Variants in MDFI observed in about 807,000 individuals in gnomAD.
The protein encoded by MDFI is MyoD family inhibitor, also known as inhibitor of MyoD family a.
In MDFI, 16 loss-of-function variants were observed where a neutral mutation model predicts 22.3. The observed-to-expected ratio is 0.72, with a 90% CI of 0.49 to 1.09. MDFI has a LOEUF of 1.09. Ranked by LOEUF, MDFI falls within the 50% of genes least tolerant of loss-of-function variation. MDFI has a pLI of 0.00. For synonymous variants in MDFI, 145 were observed against 142.7 expected (o/e 1.02, Z -0.12); for missense variants, 314 against 326.1 (o/e 0.96, Z 0.29).
chr6:41,649,756 C>T lies in MDFI; in HGVS notation c.397C>T (p.His133Tyr). The T allele has an allele frequency of 6.2e-7, 1 of 1,614,122 alleles. No individual in the cohort carries two copies. The highest frequency in any genetic ancestry group is 2.2e-5 in the East Asian group (1 of 44,874). Residue 133 changes from histidine (H) to tyrosine (Y), a missense_variant, in exon 4 of 5, where the codon CAC (histidine) becomes TAC (tyrosine). By Grantham distance (83) the His-to-Tyr change is moderately conservative (BLOSUM62 2). Coordinates refer to ENST00000230321, the MANE Select transcript of MDFI (RefSeq NM_005586.4). ...CAAGGCCCACCGGAAGTTGCAGACA[C>T]ACCCATCTCTCGCCAGCCAGGGCAG... ...GPKAHRKLQT[H>Y]PSLASQGSKK...
chr6:41,639,367 C>G, intron 2 of MDFI: 1 of 985,382 alleles, frequency 1.0e-6, no homozygotes, highest in Non-Finnish European at 1.2e-6. Context: ...CGGCCAGTCC[C>G]CGCCGCCCCT....
intron 4 of MDFI, among the ~76,000 whole-genome samples, chr6:41,652,382 T>G (rs543521033): frequency 6.6e-6 from 1 of 152,192 alleles, no homozygotes; most frequent in South Asian, 2.1e-4. Context: ...ACTTCAAAGA[T>G]TTCAGCTTTT....
In MDFI at chr6:41,638,611, G is replaced by C; in HGVS notation, c.-53G>C. The stretch of plus-strand genomic sequence containing the variant: ...AGCAGGCGCGCATGGCGGGCCCCGC[G>C]CGGGGATCCGGCTGGAAGAGAGCGT... On this transcript the variant is annotated 5_prime_UTR_variant, in exon 1 of 5. Transcript: ENST00000230321. This position sits in a 1 kb window ranked among gnomAD's most constrained non-coding sequence, Gnocchi z 7.6. 9.6e-7 allele frequency: 1 copy of C among 1,037,554 alleles called. No homozygotes were observed. The highest frequency in any genetic ancestry group is 1.3e-6 in the Non-Finnish European group (1 of 743,764). The allele number at this position is 1,037,554 out of a possible 1,614,324, so 64.3% of individuals were successfully genotyped here. A position where few individuals can be genotyped will look rare whatever the true frequency, so the allele number is the denominator to read the frequency against.
At chr6:41,641,343 A>G (rs1018893468) in intron 2 of MDFI, among the ~76,000 whole-genome samples, 4 of 152,250 alleles carry the variant, frequency 2.6e-5, no homozygotes, top group African/African-American at 9.6e-5. Context: ...ATTCTTAGCA[A>G]CTGGGTCAGA....
intron 2 of MDFI, among the ~76,000 whole-genome samples, chr6:41,640,845 G>A (rs916209846): frequency 1.3e-5 from 2 of 152,216 alleles, no homozygotes; most frequent in Admixed American, 6.5e-5. Context: ...GAGAGCCCCG[G>A]GAGCCTGGCT....
intron 4 of MDFI, among the ~76,000 whole-genome samples, chr6:41,652,156 C>G (rs1768294123): frequency 6.6e-6 from 1 of 152,108 alleles, no homozygotes; most frequent in Non-Finnish European, 1.5e-5. Context: ...GGTGGAAGGC[C>G]TCGGTGAGAG....
chr6:41,638,861 GC>G lies in MDFI; in HGVS notation c.76+37del. 2 of 1,524,280 alleles carry G rather than the reference GC, an allele frequency of 1.3e-6. No homozygotes were observed. Among genetic ancestry groups the G allele is most frequent in the Non-Finnish European group, 8.8e-7 (1 of 1,140,060 alleles). 94.4% of individuals were successfully genotyped at this position (1,524,280 alleles called of 1,614,324 possible). A position where few individuals can be genotyped will look rare whatever the true frequency, so the allele number is the denominator to read the frequency against. On this transcript the variant is annotated intron_variant, in intron 2 of 4. Transcript: ENST00000230321. This position sits in a 1 kb window ranked among gnomAD's most constrained non-coding sequence, Gnocchi z 7.6. ...GAGTGGCGAGCGAAGCTGGACAGGG[GC>G]GGGTGGGCGGCTGAAGGGGCCAGTT...
rs182693648 is a variant in MDFI, at chr6:41,641,965, A to C, written c.76+3140A>C. On this transcript the variant is annotated intron_variant, in intron 2 of 4. Transcript: ENST00000230321. ...CTTTCCTCTTGGGCTCATGGATTTA[A>C]ACATGGCTCTCCCACTCCCATCTGG... is the stretch of plus-strand genomic sequence containing the variant. 8.5e-5 allele frequency among the ~76,000 whole-genome samples: 13 copies of C among 152,256 alleles called. No homozygotes were observed. The East Asian group carries it at 1.9e-3, about 23-fold the overall frequency.
At chr6:41,647,224 G>A (rs1235390890) in intron 3 of MDFI, among the ~76,000 whole-genome samples, 1 of 152,244 alleles carries the variant, frequency 6.6e-6, no homozygotes, top group Non-Finnish European at 1.5e-5. Flanking sequence ...GGCAGTGGAG[G>A]AGGGGGTCTG....
intron 4 of MDFI, among the ~76,000 whole-genome samples, chr6:41,652,935 G>A (rs1410876896): frequency 6.6e-6 from 1 of 152,108 alleles, no homozygotes; most frequent in African/African-American, 2.4e-5. Context: ...CTTAACCTCA[G>A]TCTCTTCATC....
chr6:41,638,371 A>C, upstream of MDFI: 1 of 196,442 alleles, frequency 5.1e-6, no homozygotes. This position sits in a 1 kb window ranked among gnomAD's most constrained non-coding sequence, Gnocchi z 7.6. Flanking sequence ...GGGGCGACTG[A>C]GAAGGCGAGG....
Position 41,653,113 on chromosome 6 carries a change from C to A in MDFI, c.485-206C>A, listed in dbSNP as rs975059763. On this transcript the variant is annotated intron_variant, in intron 4 of 4. Transcript: ENST00000230321. The surrounding 1 kb of genome is among the most constrained non-coding windows in gnomAD (Gnocchi z 4.2). ...AAGAGCAAGGATGATCCAGACTGCC[C>A]GCTCCGATGTGCTTAACTGTCTGTG... Among the ~76,000 whole-genome samples, 6 of 152,290 alleles carry A rather than the reference C, an allele frequency of 3.9e-5. No homozygotes were observed. The South Asian group carries it at 1.2e-3, about 32-fold the overall frequency.
chr6:41,643,803 CTGCAAAGTAACCCAACCCTTTCCA>C (rs890198880), intron 2 of MDFI, among the ~76,000 whole-genome samples: 3 of 150,484 alleles, frequency 2.0e-5, no homozygotes, highest in African/African-American at 4.8e-5. Context: ...GAGATTAGGA[CTGCAAAGTAACCCAACCCTTTCCA>C]TGCAAAGTAA....
rs770943240 is a variant in MDFI at position 41,649,638 on chromosome 6, C to T, written c.279C>T (p.Pro93=). 1.9e-6 allele frequency: 3 copies of T among 1,609,400 alleles called. No homozygotes were observed. In the South Asian group the frequency reaches 3.3e-5, roughly 18 times the overall value. Residue 93 remains proline, a synonymous_variant, in exon 4 of 5, where the codon CCC becomes CCT. Coordinates refer to ENST00000230321, the MANE Select transcript of MDFI (RefSeq NM_005586.4). ...CTCCAGGCCAGCCTCAGGGGAACCC[C>T]TTGGGCTGCACCCCACTTCTGCCGA... ...EAVTCQPQGN[P]LGCTPLLPND...
Position 41,646,201 on chromosome 6 carries a change from A to C in MDFI, c.152A>C (p.Glu51Ala). The change falls in exon 3 of 5, where the codon GAG becomes GCG. Residue 51 changes from glutamate to alanine, a missense_variant. Coordinates refer to ENST00000230321, the MANE Select transcript of MDFI (RefSeq NM_005586.4). ...CACCCTGCGGAGGCAGCACCAGAGGAGGGCTCCCTGGAGGAGGCGGCAACC... is the reference window on the plus strand; with the variant it reads ...CACCCTGCGGAGGCAGCACCAGAGGCGGGCTCCCTGGAGGAGGCGGCAACC... ...STHPAEAAPE[E>A]GSLEEAATPM... The C allele has an allele frequency of 6.3e-7, 1 of 1,592,214 alleles. No individual in the cohort carries two copies. Among genetic ancestry groups the C allele is most frequent in the Non-Finnish European group, 8.5e-7 (1 of 1,169,606 alleles).
rs1380688044 is a variant in MDFI at position 41,638,782 on chromosome 6, C to T, written c.33C>T (p.Gly11=). ...AGGTGAGCGGCCAGCGCCCCTCTGGCTGCGACGCGCCCTATGGAGCCCCCA... is the reference window on the plus strand; with the variant it reads ...AGGTGAGCGGCCAGCGCCCCTCTGGTTGCGACGCGCCCTATGGAGCCCCCA... MYQVSGQRPS[G]CDAPYGAPSA... is the part of the protein sequence containing the mutation. Residue 11 remains glycine, a synonymous_variant, in exon 2 of 5, where the codon GGC becomes GGT. Coordinates refer to ENST00000230321, the MANE Select transcript of MDFI (RefSeq NM_005586.4). This position sits in a 1 kb window ranked among gnomAD's most constrained non-coding sequence, Gnocchi z 7.6. 4 of 1,570,960 alleles carry T rather than the reference C, an allele frequency of 2.5e-6. No individual in the cohort carries two copies. The highest frequency in any genetic ancestry group is 2.6e-6 in the Non-Finnish European group (3 of 1,164,566).
Position 41,638,843 on chromosome 6 carries a change from G to A in MDFI, c.76+18G>A, listed in dbSNP as rs1002262133. 1.0e-5 allele frequency: 16 copies of A among 1,542,936 alleles called. No individual in the cohort carries two copies. Among genetic ancestry groups the A allele is most frequent in the African/African-American group, 2.7e-5 (2 of 73,156 alleles). ...GGGCCCAGGTAGGACCGGGAGTGGC[G>A]AGCGAAGCTGGACAGGGGCGGGTGG... is the stretch of plus-strand genomic sequence containing the variant. On this transcript the variant is annotated intron_variant, in intron 2 of 4. Transcript: ENST00000230321. The surrounding 1 kb of genome is among the most constrained non-coding windows in gnomAD (Gnocchi z 7.6).
chr6:41,639,215 ATCTT>A, intron 2 of MDFI: 5 of 984,662 alleles, frequency 5.1e-6, no homozygotes, highest in Non-Finnish European at 6.0e-6. Context: ...CGTTGTCTGA[ATCTT>A]TCTCTACTTC....
At chr6:41,639,365 C>T (rs1767764483) in intron 2 of MDFI, 1 of 985,224 alleles carries the variant, frequency 1.0e-6, no homozygotes, top group Non-Finnish European at 1.2e-6. Context: ...GCCGGCCAGT[C>T]CCCGCCGCCC....
Sources: gnomAD v4.1 joint callset for allele counts (sites outside exome capture counted in the v4.1 genomes callset) on GRCh38, gnomAD v4.1.1 for gene constraint, Gnocchi (gnomAD v3.1) non-coding constraint, MANE v1.5 for transcripts, NCBI Gene and HGNC (gene_info 2026-07-23, HGNC 2026-07-21) for gene names.